MRPS28: variants seen among roughly 807,000 people sequenced by gnomAD.
The protein encoded by MRPS28 is small ribosomal subunit protein bS1m.
In MRPS28, 7 loss-of-function variants were observed where a neutral mutation model predicts 10.8. That is an observed-to-expected ratio of 0.65 (90% CI 0.37 to 1.22). The LOEUF (loss-of-function observed/expected upper bound fraction) is 1.22, where lower values mean the gene tolerates loss of function less well. Among genes scored for constraint, MRPS28 ranks in the 50% most tolerant of loss-of-function variants. The pLI, the probability that MRPS28 is intolerant of heterozygous loss-of-function variation, is 0.02. For synonymous variants in MRPS28, 121 were observed against 93.3 expected (o/e 1.30, Z -1.71); for missense variants, 265 against 232.9 (o/e 1.14, Z -0.90).
chr8:79,987,966 T>C (rs1261262877), intron 2 of MRPS28, among the ~76,000 whole-genome samples: 20 of 152,126 alleles, frequency 1.3e-4, no homozygotes, highest in Non-Finnish European at 5.9e-5. Flanking sequence ...TAAAGACACA[T>C]GCACATGTAT....
intron 2 of MRPS28, among the ~76,000 whole-genome samples, chr8:79,984,307 C>T (rs1324357985): frequency 6.6e-6 from 1 of 152,210 alleles, no homozygotes; most frequent in Non-Finnish European, 1.5e-5. Context: ...CCAGTACTAG[C>T]TACTGCATAA....
intron 1 of MRPS28, among the ~76,000 whole-genome samples, chr8:80,029,098 G>A (rs1809575462): frequency 6.6e-6 from 1 of 152,224 alleles, no homozygotes; most frequent in Admixed American, 6.5e-5. Context: ...AGACCAGTGA[G>A]ATCCCGTCTG....
At chr8:80,020,251 T>C (rs376619535) in intron 1 of MRPS28, among the ~76,000 whole-genome samples, 26 of 152,142 alleles carry the variant, frequency 1.7e-4, no homozygotes, top group African/African-American at 5.1e-4. Context: ...AGAAAACAGA[T>C]TGTAAATGTT....
intron 2 of MRPS28, among the ~76,000 whole-genome samples, chr8:79,999,710 G>A (rs1373605111): frequency 6.6e-6 from 1 of 152,180 alleles, no homozygotes; most frequent in Non-Finnish European, 1.5e-5. Flanking sequence ...ATGTACATAG[G>A]ATATGCAGGT....
chr8:79,931,091 G>A (rs1806449560), intron 2 of MRPS28, among the ~76,000 whole-genome samples: 1 of 152,132 alleles, frequency 6.6e-6, no homozygotes, highest in South Asian at 2.1e-4. Flanking sequence ...GGCATATTTT[G>A]AATAATATAA....
chr8:80,013,674 A>C (rs1036062165), intron 1 of MRPS28, among the ~76,000 whole-genome samples: 1 of 151,636 alleles, frequency 6.6e-6, no homozygotes, highest in African/African-American at 2.4e-5. Flanking sequence ...AAGAAAAAAA[A>C]CAATAACAAT....
chr8:79,991,218 A>T (rs147327148), intron 2 of MRPS28, among the ~76,000 whole-genome samples: 1,584 of 152,336 alleles, frequency 0.01, 19 homozygotes, highest in South Asian at 0.067. Context: ...TAATTCAATT[A>T]ACCAAAATAA....
chr8:80,028,430 G>GT (rs1462485219), intron 1 of MRPS28, among the ~76,000 whole-genome samples: 2 of 151,862 alleles, frequency 1.3e-5, no homozygotes, highest in African/African-American at 4.8e-5. Flanking sequence ...TATTCTGCTA[G>GT]TATTTTATGA....
chr8:79,979,915 CAAAAAAAAAA>C (rs61633169), intron 2 of MRPS28, among the ~76,000 whole-genome samples: 25 of 31,356 alleles, frequency 8.0e-4, no homozygotes, highest in South Asian at 2.2e-3. Flanking sequence ...GATTCTCACG[CAAAAAAAAAA>C]AAAAAAAAAA....
At chr8:79,958,468 G>T in intron 2 of MRPS28, 1 of 633,506 alleles carries the variant, frequency 1.6e-6, no homozygotes, top group Admixed American at 2.9e-5. Flanking sequence ...AGATTCAGAA[G>T]AACTCAAGGC....
At chr8:80,023,938 G>C (rs958608078) in intron 1 of MRPS28, among the ~76,000 whole-genome samples, 1 of 152,164 alleles carries the variant, frequency 6.6e-6, no homozygotes, top group Non-Finnish European at 1.5e-5. Flanking sequence ...TTATAAAAAT[G>C]AATGGGACGG....
intron 2 of MRPS28, among the ~76,000 whole-genome samples, chr8:79,995,407 C>T (rs1256052567): frequency 2.0e-5 from 3 of 152,206 alleles, no homozygotes; most frequent in East Asian, 1.9e-4. Context: ...CATTTATTTG[C>T]AAATTCACTA....
intron 2 of MRPS28, among the ~76,000 whole-genome samples, chr8:79,930,632 T>C (rs1433097009): frequency 6.6e-6 from 1 of 152,188 alleles, no homozygotes; most frequent in East Asian, 1.9e-4. Flanking sequence ...GTGTTGACAA[T>C]GTGTTACTTA....
intron 2 of MRPS28, among the ~76,000 whole-genome samples, chr8:79,941,566 G>A (rs957668714): frequency 6.6e-6 from 1 of 152,124 alleles, no homozygotes; most frequent in Admixed American, 6.5e-5. Context: ...AAGTCACATA[G>A]TCTAATTTCC....
intron 2 of MRPS28, among the ~76,000 whole-genome samples, chr8:79,920,586 T>A (rs1810063245): frequency 6.6e-6 from 1 of 152,254 alleles, no homozygotes; most frequent in African/African-American, 2.4e-5. Flanking sequence ...TGCATAAATG[T>A]CTTCTTTTGA....
intron 2 of MRPS28, among the ~76,000 whole-genome samples, chr8:79,923,694 G>A (rs904947607): frequency 6.6e-6 from 1 of 151,964 alleles, no homozygotes; most frequent in Admixed American, 6.6e-5. Flanking sequence ...TTTACTGCTT[G>A]GTGTGTTTCT....
At chr8:79,970,038 T>C (rs550552138) in intron 2 of MRPS28, among the ~76,000 whole-genome samples, 31 of 152,308 alleles carry the variant, frequency 2.0e-4, no homozygotes, top group Admixed American at 1.4e-3. Flanking sequence ...TGTGATGCCA[T>C]TCCTACAGTA....
chr8:80,019,513 C>CA (rs147690981), intron 1 of MRPS28, among the ~76,000 whole-genome samples: 2,194 of 151,836 alleles, frequency 0.014, 92 homozygotes, highest in East Asian at 0.09. Flanking sequence ...AGAATATCTA[C>CA]AAAAAACCTA....
intron 2 of MRPS28, among the ~76,000 whole-genome samples, chr8:79,964,982 T>C (rs1190979901): frequency 6.6e-6 from 1 of 152,168 alleles, no homozygotes; most frequent in African/African-American, 2.4e-5. Context: ...AGGCTGTTTT[T>C]AGTGGTCTCT....
Sources: gnomAD v4.1 joint callset for allele counts (sites outside exome capture counted in the v4.1 genomes callset) on GRCh38, gnomAD v4.1.1 for gene constraint, MANE v1.5 for transcripts, NCBI Gene and HGNC (gene_info 2026-07-23, HGNC 2026-07-21) for gene names.